The following NOB1 variants were observed in gnomAD, a reference collection of about 807,000 sequenced individuals.
NOB1 encodes NIN1 (RPN12) binding protein 1 homolog.
Under a neutral mutation model 44.8 loss-of-function variants are expected in NOB1, and 44 were observed. The ratio of observed to expected loss-of-function variants is 0.98; its 90% CI spans 0.77 to 1.26. NOB1 has a LOEUF of 1.26. NOB1 is among the 50% of genes most tolerant of loss of function. The pLI is 0.00. For missense variants in NOB1, 560 were observed against 544.8 expected, an observed-to-expected ratio of 1.03 and a Z score of -0.28; for synonymous variants, 238 against 218.7, an observed-to-expected ratio of 1.09 and a Z score of -0.78.
chr16:69,744,791 A>G, intron 8 of NOB1, 82 bp downstream of exon 8: 2 of 1,489,920 alleles, frequency 1.3e-6, no homozygotes, highest in Non-Finnish European at 1.8e-6. Flanking sequence ...TCTTGCAGAA[A>G]CGACTAGACT....
intron 7 of NOB1, among the ~76,000 whole-genome samples, chr16:69,747,960 C>A (rs926176306): frequency 3.3e-5 from 5 of 152,126 alleles, no homozygotes; most frequent in Admixed American, 6.6e-5. Context: ...GAGTTCGAGA[C>A]CAGCCTGACC....
Position 69,746,831 on chromosome 16 carries a change from C to T in NOB1, c.824+1401G>A, listed in dbSNP as rs182680304. Reference sequence around the variant, plus strand: ...CTGGGACAGGAGAATTGCTTGAACCCGGGAGGCAGAGATTGCAGTGAGCCT... The same window carrying T: ...CTGGGACAGGAGAATTGCTTGAACCTGGGAGGCAGAGATTGCAGTGAGCCT... On this transcript the variant is annotated intron_variant, in intron 7 of 8. Coordinates refer to ENST00000268802, the MANE Select transcript of NOB1 (RefSeq NM_014062.3). Among the ~76,000 whole-genome samples the T allele has an allele frequency of 3.5e-3, 526 of 151,460 alleles. 5 individuals are homozygous for T. The highest frequency in any genetic ancestry group is 0.012 in the African/African-American group (482 of 41,240).
intron 8 of NOB1, among the ~76,000 whole-genome samples, chr16:69,743,129 G>C (rs2038398890): frequency 6.6e-6 from 1 of 152,090 alleles, no homozygotes; most frequent in African/African-American, 2.4e-5. Flanking sequence ...GCTCCCACTG[G>C]CCACACATGG....
chr16:69,743,146 G>A (rs946508437), intron 8 of NOB1, among the ~76,000 whole-genome samples: 3 of 152,130 alleles, frequency 2.0e-5, no homozygotes, highest in African/African-American at 4.8e-5. Context: ...ATGGCACAAC[G>A]CGAGGCTCAA....
chr16:69,747,930 G>C (rs2038446696), intron 7 of NOB1, among the ~76,000 whole-genome samples: 1 of 152,284 alleles, frequency 6.6e-6, no homozygotes, highest in South Asian at 2.1e-4. Context: ...GGCTGAGGTG[G>C]ATGGATCACT....
At chr16:69,752,013 C>T (rs1029932228) in intron 3 of NOB1, among the ~76,000 whole-genome samples, 8 of 151,494 alleles carry the variant, frequency 5.3e-5, no homozygotes, top group African/African-American at 1.7e-4. Flanking sequence ...TGCAGTGAGC[C>T]GAGATCACGC....
intron 3 of NOB1, among the ~76,000 whole-genome samples, chr16:69,750,332 G>T (rs2151754380): frequency 6.6e-6 from 1 of 151,980 alleles, no homozygotes; most frequent in South Asian, 2.1e-4. Flanking sequence ...AAAAATCAGA[G>T]AATAAAAATA....
intron 8 of NOB1, 76 bp downstream of exon 8, chr16:69,744,797 A>G (rs2038414981): frequency 6.6e-7 from 1 of 1,520,200 alleles, no homozygotes; most frequent in Non-Finnish European, 8.9e-7. Context: ...AGAAACGACT[A>G]GACTAGGTTT....
chr16:69,747,460 G>A (rs1476927004), intron 7 of NOB1, among the ~76,000 whole-genome samples: 1 of 152,110 alleles, frequency 6.6e-6, no homozygotes, highest in Non-Finnish European at 1.5e-5. Context: ...TTGAACCCAT[G>A]TACTCTTCTT....
chr16:69,752,431 C>A, intron 2 of NOB1, 60 bp from the exon 3 acceptor site: 1 of 1,556,812 alleles, frequency 6.4e-7, no homozygotes, highest in Non-Finnish European at 8.8e-7. Flanking sequence ...CCTTGGATAA[C>A]CAATGGAAGT....
At chr16:69,743,844 G>A (rs147466963) in intron 8 of NOB1, among the ~76,000 whole-genome samples, 67 of 152,308 alleles carry the variant, frequency 4.4e-4, no homozygotes, top group African/African-American at 1.4e-3. Context: ...CACTGGTATC[G>A]CAGCGATGCT....
chr16:69,742,928 C>T (rs1043256480), intron 8 of NOB1, among the ~76,000 whole-genome samples: 2 of 152,174 alleles, frequency 1.3e-5, no homozygotes, highest in Non-Finnish European at 2.9e-5. Context: ...AGCCAAGACG[C>T]AATGACACTG....
At position 69,748,921 on chromosome 16, in the gene NOB1, C is replaced by A. The variant is rs147575559; in HGVS notation, c.723G>T (p.Met241Ile). 1.0e-5 allele frequency: 16 copies of A among 1,602,330 alleles called. No individual in the cohort carries two copies. The East Asian group carries it at 3.6e-4, about 36-fold the overall frequency. The change falls in exon 6 of 9, where the codon ATG becomes ATT. Residue 241 changes from methionine to isoleucine, a missense_variant. Met to Ile is a conservative substitution (Grantham distance 10, BLOSUM62 1). Transcript: ENST00000268802. ...RVGCLTTDFA[M>I]QNVLLQMGLH... Reference sequence around the variant, plus strand: ...GGCCCAGGCCCACCCTACCCACCTGCATGGCGAAGTCTGTGGTCAGGCAGC... The same window carrying A: ...GGCCCAGGCCCACCCTACCCACCTGAATGGCGAAGTCTGTGGTCAGGCAGC...
intron 2 of NOB1, 29 bp downstream of exon 2, chr16:69,754,565 C>T (rs1483276649): frequency 6.2e-7 from 1 of 1,611,184 alleles, no homozygotes; most frequent in African/African-American, 1.3e-5. Flanking sequence ...ACCCCAGCTT[C>T]CCGTCAACGC....
chr16:69,754,168 T>G (rs2038505081), intron 2 of NOB1, among the ~76,000 whole-genome samples: 1 of 152,218 alleles, frequency 6.6e-6, no homozygotes, highest in Admixed American at 6.5e-5. Flanking sequence ...CAGGTGCAGA[T>G]CTTTGTATCC....
In NOB1 at chr16:69,749,752, C is replaced by T. The variant is rs576958654; in HGVS notation, c.328-122G>A. On this transcript the variant is annotated intron_variant, in intron 3 of 8. Transcript: ENST00000268802. ...CAGCACTTTAGGAGGCCGAGGTGGG[C>T]GGATCACCCAAGGTCAGGAATTGGA... 3.1e-4 allele frequency: 207 copies of T among 661,938 alleles called. 1 individual carries two copies. The highest frequency in any genetic ancestry group is 2.1e-3 in the African/African-American group (113 of 53,960). The allele number at this position is 661,938 out of a possible 1,614,324, so 41.0% of individuals were successfully genotyped here. A position where few individuals can be genotyped will look rare whatever the true frequency, so the allele number is the denominator to read the frequency against.
Position 69,744,989 on chromosome 16 carries a change from A to C in NOB1, c.853T>G (p.Cys285Gly), listed in dbSNP as rs1456578440. 1 of 1,614,184 alleles carries C rather than the reference A, an allele frequency of 6.2e-7. No homozygotes were observed. The highest frequency in any genetic ancestry group is 8.5e-7 in the Non-Finnish European group (1 of 1,180,028). ...AGGGTCTTGTTCCCACAGTGTGAGC[A>C]GAACACTCGGCTCATGTCAGACGTT... ...KTTSDMSRVF[C>G]SHCGNKTLKK... The change falls in exon 8 of 9, where the codon TGC becomes GGC. Residue 285 changes from cysteine to glycine, a missense_variant. Physicochemically the swap from Cys to Gly is radical, Grantham distance 159. Coordinates refer to ENST00000268802, the MANE Select transcript of NOB1 (RefSeq NM_014062.3).
At chr16:69,752,675 C>T (rs1270489239) in intron 2 of NOB1, among the ~76,000 whole-genome samples, 1 of 152,168 alleles carries the variant, frequency 6.6e-6, no homozygotes, top group Non-Finnish European at 1.5e-5. Context: ...CGTGGTGGCT[C>T]ACGCCTGTAA....
chr16:69,749,025 C>G lies in NOB1; in HGVS notation c.619G>C (p.Gly207Arg). 1 of 1,614,202 alleles carries G rather than the reference C, an allele frequency of 6.2e-7. No individual in the cohort carries two copies. Among genetic ancestry groups the G allele is most frequent in the African/African-American group, 1.3e-5 (1 of 75,072 alleles). ...TTGATGTTACTGGGGGTTATCCAGC[C>G]ACCCCCGTCGTCATCGCTGTCATCT... is the stretch of plus-strand genomic sequence containing the variant. ...RKDDSDDDGGGWITPSNIKQI... is the reference protein window; with the variant it reads ...RKDDSDDDGGRWITPSNIKQI... The change falls in exon 6 of 9, where the codon GGC becomes CGC. Residue 207 changes from glycine to arginine, a missense_variant. Physicochemically the swap from Gly to Arg is moderately radical, Grantham distance 125. Transcript: ENST00000268802.
Sources: allele counts gnomAD v4.1 joint callset (sites outside exome capture counted in the v4.1 genomes callset), GRCh38; gene constraint gnomAD v4.1.1; transcripts MANE v1.5; gene names NCBI Gene and HGNC (gene_info 2026-07-23, HGNC 2026-07-21).